Variants in SNTB1 observed in about 807,000 individuals in gnomAD.
SNTB1 encodes the protein syntrophin beta 1.
A neutral mutation model predicts 48.9 loss-of-function variants in SNTB1; 36 were observed. That is an observed-to-expected ratio of 0.74 (90% CI 0.56 to 0.97). The LOEUF (loss-of-function observed/expected upper bound fraction) is 0.97, where lower values mean the gene tolerates loss of function less well. SNTB1 is among the 50% of genes least tolerant of loss of function. The pLI, the probability that SNTB1 is intolerant of heterozygous loss-of-function variation, is 0.00. For missense variants in SNTB1, 786 were observed against 703.4 expected (o/e 1.12, Z -1.33); for synonymous variants, 299 against 294.6 (o/e 1.01, Z -0.15).
intron 1 of SNTB1, among the ~76,000 whole-genome samples, chr8:120,799,476 A>C (rs1820178820): frequency 6.6e-6 from 1 of 152,028 alleles, no homozygotes; most frequent in Non-Finnish European, 1.5e-5. Context: ...TATATAAAAA[A>C]GGAACAATCA....
intron 3 of SNTB1, among the ~76,000 whole-genome samples, chr8:120,591,090 C>G (rs11993763): frequency 0.44 from 66,961 of 151,952 alleles, 18,344 homozygotes; most frequent in Non-Finnish European, 0.63. Context: ...GTAGGTACCA[C>G]ACAAAACATA....
intron 4 of SNTB1, among the ~76,000 whole-genome samples, chr8:120,567,384 G>C (rs1275855765): frequency 6.7e-6 from 1 of 149,724 alleles, no homozygotes; most frequent in African/African-American, 2.5e-5. Flanking sequence ...CCAAATAAGG[G>C]CCAGCCACTA....
intron 4 of SNTB1, among the ~76,000 whole-genome samples, chr8:120,559,544 C>G (rs1380317782): frequency 6.6e-6 from 1 of 152,196 alleles, no homozygotes; most frequent in Non-Finnish European, 1.5e-5. Flanking sequence ...CATTGGGGAA[C>G]TCATTCCTGC....
chr8:120,584,850 G>C (rs1004059185), intron 3 of SNTB1, among the ~76,000 whole-genome samples: 3 of 152,102 alleles, frequency 2.0e-5, no homozygotes, highest in Non-Finnish European at 4.4e-5. Flanking sequence ...GTGTACACAG[G>C]GAGGAGGCCA....
intron 2 of SNTB1, among the ~76,000 whole-genome samples, chr8:120,639,275 A>G (rs1817142861): frequency 6.6e-6 from 1 of 152,056 alleles, no homozygotes; most frequent in South Asian, 2.1e-4. Context: ...TTCTTTGTAG[A>G]TTCTAGATAT....
At chr8:120,592,799 T>C (rs1039194596) in intron 3 of SNTB1, among the ~76,000 whole-genome samples, 3 of 152,218 alleles carry the variant, frequency 2.0e-5, no homozygotes, top group African/African-American at 7.2e-5. Flanking sequence ...CCCTTTCTCC[T>C]ACTCTGGGGT....
rs1817931011 is a variant in SNTB1 at position 120,681,511 on chromosome 8, G to C, written c.788+12181C>G. On this transcript the variant is annotated intron_variant, in intron 2 of 6. Coordinates refer to ENST00000517992, the MANE Select transcript of SNTB1 (RefSeq NM_021021.4). ...CAGAACCTCCAGAGACAGGGTAGGG[G>C]GTGATATGGCCCTGAAAAGAGGGCC... 3.3e-5 allele frequency among the ~76,000 whole-genome samples: 5 copies of C among 152,138 alleles called. No homozygotes were observed. The South Asian group carries it at 1.0e-3, about 32-fold the overall frequency.
intron 2 of SNTB1, 94 bp from the exon 3 acceptor site, chr8:120,632,745 T>G: frequency 9.7e-7 from 1 of 1,034,146 alleles, no homozygotes; most frequent in Admixed American, 2.1e-5. Context: ...TCTTTACTCC[T>G]TCTTTTAGAC....
chr8:120,653,101 ACCCT>A (rs1472804747), intron 2 of SNTB1, among the ~76,000 whole-genome samples: 2 of 152,132 alleles, frequency 1.3e-5, no homozygotes, highest in African/African-American at 4.8e-5. Context: ...CAATTAACTC[ACCCT>A]GTGCAGTGCA....
intron 4 of SNTB1, among the ~76,000 whole-genome samples, chr8:120,571,928 G>A (rs1368552884): frequency 6.6e-6 from 1 of 151,974 alleles, no homozygotes; most frequent in East Asian, 1.9e-4. Context: ...ATCTAGGCCT[G>A]GTTCCTCACC....
chr8:120,572,002 C>A (rs992692669), intron 4 of SNTB1, among the ~76,000 whole-genome samples: 1 of 152,230 alleles, frequency 6.6e-6, no homozygotes, highest in East Asian at 1.9e-4. Flanking sequence ...CCCACCTCCC[C>A]GGCCCCACCC....
At chr8:120,601,154 C>G (rs1816415486) in intron 3 of SNTB1, among the ~76,000 whole-genome samples, 1 of 152,092 alleles carries the variant, frequency 6.6e-6, no homozygotes, top group Non-Finnish European at 1.5e-5. Context: ...TGAACACTTT[C>G]ACTCTGCGGA....
intron 2 of SNTB1, among the ~76,000 whole-genome samples, chr8:120,654,027 G>C (rs556232478): frequency 8.1e-5 from 6 of 74,194 alleles, no homozygotes; most frequent in African/African-American, 2.8e-4. Flanking sequence ...GAGACAGAGC[G>C]AGACTCTGCC....
intron 6 of SNTB1, among the ~76,000 whole-genome samples, chr8:120,540,732 A>G (rs576805674): frequency 2.6e-5 from 4 of 152,350 alleles, no homozygotes; most frequent in Admixed American, 2.0e-4. Context: ...TTGGCTAGAA[A>G]TAACTCTCAG....
intron 1 of SNTB1, among the ~76,000 whole-genome samples, chr8:120,719,461 T>A (rs1818618332): frequency 6.6e-6 from 1 of 152,048 alleles, no homozygotes; most frequent in African/African-American, 2.4e-5. Context: ...TTGAATAAAC[T>A]CCATTTTCTA....
intron 1 of SNTB1, among the ~76,000 whole-genome samples, chr8:120,797,457 C>T (rs1279246573): frequency 6.6e-6 from 1 of 151,348 alleles, no homozygotes; most frequent in African/African-American, 2.4e-5. Flanking sequence ...AGCCCATGGC[C>T]TGGCAACATT....
At chr8:120,605,901 T>C (rs1816507310) in intron 3 of SNTB1, among the ~76,000 whole-genome samples, 1 of 152,054 alleles carries the variant, frequency 6.6e-6, no homozygotes, top group Admixed American at 6.5e-5. Flanking sequence ...AACATTTAGC[T>C]ACAGACAAAA....
At chr8:120,553,806 TGA>T (rs1815520974) in intron 4 of SNTB1, among the ~76,000 whole-genome samples, 1 of 152,222 alleles carries the variant, frequency 6.6e-6, no homozygotes, top group East Asian at 1.9e-4. Flanking sequence ...GAGACCAGCC[TGA>T]CTAATATGGT....
At chr8:120,747,297 T>C (rs1447313640) in intron 1 of SNTB1, among the ~76,000 whole-genome samples, 1 of 152,084 alleles carries the variant, frequency 6.6e-6, no homozygotes, top group Non-Finnish European at 1.5e-5. Flanking sequence ...ACTTATTTAT[T>C]GATTTATTTT....
Sources: gnomAD v4.1 joint callset for allele counts (sites outside exome capture counted in the v4.1 genomes callset) on GRCh38, gnomAD v4.1.1 for gene constraint, MANE v1.5 for transcripts, NCBI Gene and HGNC (gene_info 2026-07-23, HGNC 2026-07-21) for gene names.